TMEM209: variants seen among roughly 807,000 people sequenced by gnomAD.
TMEM209 encodes testicular tissue protein Li 202.
In TMEM209, 65 loss-of-function variants were observed where a neutral mutation model predicts 76.2. The ratio of observed to expected loss-of-function variants is 0.85; its 90% CI spans 0.70 to 1.05. The LOEUF (loss-of-function observed/expected upper bound fraction) is 1.05, where lower values mean the gene tolerates loss of function less well. TMEM209 is among the 50% of genes least tolerant of loss of function. The pLI, the probability that TMEM209 is intolerant of heterozygous loss-of-function variation, is 0.00. For missense variants in TMEM209, 623 were observed against 685.5 expected (o/e 0.91, Z 1.02); for synonymous variants, 239 against 237.6 (o/e 1.01, Z -0.06).
chr7:130,192,439 T>C, intron 6 of TMEM209, 183 bp downstream of exon 6: 1 of 582,036 alleles, frequency 1.7e-6, no homozygotes, highest in Non-Finnish European at 3.0e-6. Flanking sequence ...AGTTTAGCTA[T>C]ATTTCACTTC....
At chr7:130,182,907 G>A (rs1418489424) in intron 8 of TMEM209, among the ~76,000 whole-genome samples, 2 of 152,170 alleles carry the variant, frequency 1.3e-5, no homozygotes, top group Non-Finnish European at 2.9e-5. Context: ...CCCACTGAGT[G>A]TGACTATTCA....
intron 8 of TMEM209, among the ~76,000 whole-genome samples, chr7:130,183,180 A>C (rs1424558177): frequency 6.6e-6 from 1 of 152,218 alleles, no homozygotes; most frequent in Non-Finnish European, 1.5e-5. Flanking sequence ...AAACTACAAC[A>C]AACTCCAGTT....
At chr7:130,204,894 C>G (rs965488674) in intron 1 of TMEM209, 1 of 1,016,156 alleles carries the variant, frequency 9.8e-7, no homozygotes, top group African/African-American at 1.7e-5. Flanking sequence ...TGCACTTGGA[C>G]AGCTGTACTC....
At chr7:130,182,563 T>C (rs1797459103) in intron 8 of TMEM209, among the ~76,000 whole-genome samples, 1 of 152,248 alleles carries the variant, frequency 6.6e-6, no homozygotes, top group South Asian at 2.1e-4. Flanking sequence ...AATATTACTT[T>C]AGGACTGGGA....
At chr7:130,169,054 T>C (rs570581983) in intron 14 of TMEM209, among the ~76,000 whole-genome samples, 61 of 152,082 alleles carry the variant, frequency 4.0e-4, no homozygotes, top group Non-Finnish European at 5.0e-4. Context: ...CTGGCCAACA[T>C]GGAGAAACCC....
At chr7:130,174,299 G>T (rs1245246009) in intron 11 of TMEM209, among the ~76,000 whole-genome samples, 2 of 152,094 alleles carry the variant, frequency 1.3e-5, no homozygotes, top group African/African-American at 4.8e-5. Flanking sequence ...AAAGATATTT[G>T]CCATCAAATC....
chr7:130,185,169 A>C, intron 7 of TMEM209, 23 bp downstream of exon 7: 1 of 1,593,664 alleles, frequency 6.3e-7, no homozygotes, highest in Non-Finnish European at 8.6e-7. Flanking sequence ...ATAAATATTA[A>C]GTCACTTTTA....
chr7:130,192,822 AACT>A lies in TMEM209; in HGVS notation c.574-2_574del. 6.2e-7 allele frequency: 1 copy of A among 1,613,156 alleles called. No individual in the cohort carries two copies. Among genetic ancestry groups the A allele is most frequent in the South Asian group, 1.1e-5 (1 of 91,030 alleles). ...AGGAGGAGAGGGGCTAAAGCTCGCC[AACT>A]ATACAAAATAAAAGATCTTTACTTT... On this transcript the variant is annotated splice_acceptor_variant and coding_sequence_variant, in exon 6 of 15. Transcript: ENST00000397622. LOFTEE classifies it high-confidence loss of function.
chr7:130,170,382 T>C lies in TMEM209; in HGVS notation c.1631+18A>G. 4 of 1,588,646 alleles carry C rather than the reference T, an allele frequency of 2.5e-6. No individual in the cohort carries two copies. Among genetic ancestry groups the C allele is most frequent in the Non-Finnish European group, 3.4e-6 (4 of 1,164,964 alleles). On this transcript the variant is annotated intron_variant, in intron 14 of 14. Coordinates refer to ENST00000397622, the MANE Select transcript of TMEM209 (RefSeq NM_032842.4). ...ATCAGTAAATAACTACTTACGTTTT[T>C]AAAGCATAAGTACCTACCCAAGCAT...
chr7:130,170,460 ATAT>A lies in TMEM209; in HGVS notation c.1568_1570del (p.Asn523del). 1 of 1,612,256 alleles carries A rather than the reference ATAT, an allele frequency of 6.2e-7. No homozygotes were observed. The highest frequency in any genetic ancestry group is 8.5e-7 in the Non-Finnish European group (1 of 1,179,464). On this transcript the variant is annotated inframe_deletion, in exon 14 of 15. Coordinates refer to ENST00000397622, the MANE Select transcript of TMEM209 (RefSeq NM_032842.4). The stretch of plus-strand genomic sequence containing the variant: ...GAGAAACATCAACAATGTATGAAAC[ATAT>A]TATTTCTGCCCTGGAACAAAGACAA...
intron 8 of TMEM209, among the ~76,000 whole-genome samples, chr7:130,182,795 C>T (rs1315572637): frequency 2.0e-5 from 3 of 152,152 alleles, no homozygotes; most frequent in Admixed American, 6.5e-5. Flanking sequence ...CAAAAACCTT[C>T]TGGGAACTTA....
Position 130,192,791 on chromosome 7 carries a change from C to A in TMEM209, c.606G>T (p.Pro202=), listed in dbSNP as rs367746679. 1 of 1,613,672 alleles carries A rather than the reference C, an allele frequency of 6.2e-7. No individual in the cohort carries two copies. Among genetic ancestry groups the A allele is most frequent in the Non-Finnish European group, 8.5e-7 (1 of 1,179,828 alleles). The stretch of plus-strand genomic sequence containing the variant: ...CCACTGGTCCAACAGTGGTAGGGTA[C>A]GGAGAAGGAGGAGAGGGGCTAAAGC... ...LASFSPSPPS[P]YPTTVGPVES... Residue 202 remains proline, a synonymous_variant, in exon 6 of 15, where the codon CCG becomes CCT. Coordinates refer to ENST00000397622, the MANE Select transcript of TMEM209 (RefSeq NM_032842.4).
chr7:130,205,228 G>T (rs1353935874), intron 1 of TMEM209, 145 bp downstream of exon 1: 1 of 1,594,672 alleles, frequency 6.3e-7, no homozygotes, highest in Admixed American at 1.7e-5. Context: ...CAACCCTATT[G>T]CTTCTTTCTT....
At chr7:130,200,834 A>G (rs897633880) in intron 5 of TMEM209, among the ~76,000 whole-genome samples, 2 of 152,124 alleles carry the variant, frequency 1.3e-5, no homozygotes, top group Non-Finnish European at 2.9e-5. Flanking sequence ...TTACAAAGAA[A>G]TGTGTAAATG....
intron 6 of TMEM209, among the ~76,000 whole-genome samples, chr7:130,186,400 A>T (rs1797599661): frequency 6.6e-6 from 1 of 152,200 alleles, no homozygotes; most frequent in Admixed American, 6.5e-5. Flanking sequence ...ATGCTGGCAT[A>T]AAAAGTTATA....
chr7:130,174,060 G>C (rs1797162044), intron 11 of TMEM209, 121 bp from the exon 12 acceptor site: 1 of 631,190 alleles, frequency 1.6e-6, no homozygotes, highest in East Asian at 2.7e-5. Flanking sequence ...TCTGAAGAGT[G>C]AATTAGAAAA....
chr7:130,195,288 C>A (rs973637161), intron 5 of TMEM209, among the ~76,000 whole-genome samples: 1 of 152,052 alleles, frequency 6.6e-6, no homozygotes, highest in Non-Finnish European at 1.5e-5. Context: ...CTTCATCTAG[C>A]ATCTCTTATT....
intron 1 of TMEM209, among the ~76,000 whole-genome samples, chr7:130,204,434 C>T (rs1448202151): frequency 6.6e-6 from 1 of 152,168 alleles, no homozygotes; most frequent in African/African-American, 2.4e-5. Flanking sequence ...CTCCGCCTCC[C>T]GGGTTCAAGC....
intron 9 of TMEM209, among the ~76,000 whole-genome samples, chr7:130,180,802 A>C (rs1797386463): frequency 6.6e-6 from 1 of 152,240 alleles, no homozygotes; most frequent in South Asian, 2.1e-4. Context: ...GATGACTATA[A>C]AACATATGAC....
Sources: gnomAD v4.1 joint callset for allele counts (sites outside exome capture counted in the v4.1 genomes callset) on GRCh38, gnomAD v4.1.1 for gene constraint, MANE v1.5 for transcripts, NCBI Gene and HGNC (gene_info 2026-07-23, HGNC 2026-07-21) for gene names.